The following PDLIM4 variants were observed in gnomAD, a reference collection of about 807,000 sequenced individuals.
PDLIM4 encodes PDZ and LIM domain 4, also known as PDZ and LIM domain protein 4.
A neutral mutation model predicts 31.3 loss-of-function variants in PDLIM4; 19 were observed. That is an observed-to-expected ratio of 0.61 (90% CI 0.42 to 0.89). The LOEUF is 0.89. PDLIM4 is among the 40% of genes least tolerant of loss of function. The pLI is 0.00. For missense variants in PDLIM4, 442 were observed against 461.1 expected (o/e 0.96, Z 0.38); for synonymous variants, 176 against 190.1 (o/e 0.93, Z 0.61).
intron 1 of PDLIM4, 42 bp from the exon 2 acceptor site, chr5:132,262,567 A>C: frequency 6.5e-7 from 1 of 1,543,012 alleles, no homozygotes; most frequent in South Asian, 1.2e-5. Context: ...CAGCAAGACC[A>C]TATCATGACT....
chr5:132,271,849 C>T lies in PDLIM4; in HGVS notation c.729C>T (p.Gly243=), dbSNP rs768047246. 5.6e-6 allele frequency: 9 copies of T among 1,612,422 alleles called. No individual in the cohort carries two copies. The highest frequency in any genetic ancestry group is 1.3e-5 in the African/African-American group (1 of 74,936). Residue 243 remains glycine (G), a synonymous_variant, in exon 6 of 7, where the codon GGC becomes GGT. Coordinates refer to ENST00000253754, the MANE Select transcript of PDLIM4 (RefSeq NM_003687.4). ...RNLKPTASKL[G]APLSGLQGLP... ...TCAAGCCCACGGCCAGCAAGCTGGGCGCTCCGCTGAGCGGCCTGCAGGGGC... is the reference window on the plus strand; with the variant it reads ...TCAAGCCCACGGCCAGCAAGCTGGGTGCTCCGCTGAGCGGCCTGCAGGGGC...
chr5:132,259,376 A>AGCTGCG (rs1009565783), intron 1 of PDLIM4, among the ~76,000 whole-genome samples: 1 of 152,120 alleles, frequency 6.6e-6, no homozygotes, highest in Non-Finnish European at 1.5e-5. Context: ...CACACGTCAC[A>AGCTGCG]GCTGCGGCTG....
chr5:132,268,338 C>T (rs761603371), intron 3 of PDLIM4, among the ~76,000 whole-genome samples: 13 of 150,744 alleles, frequency 8.6e-5, no homozygotes, highest in Admixed American at 8.5e-4. Flanking sequence ...GCTGCTCCCA[C>T]CCTCTGCCTG....
rs1463681467 is a variant in PDLIM4, at chr5:132,272,590, G to C, written c.*361G>C. On this transcript the variant is annotated 3_prime_UTR_variant, in exon 7 of 7. Transcript: ENST00000253754. Reference sequence around the variant, plus strand: ...AGGAGGTATGACCTGGGTGGGGTCAGGGAAAGTCTTAGCTGAGAACTAAGA... The same window carrying C: ...AGGAGGTATGACCTGGGTGGGGTCACGGAAAGTCTTAGCTGAGAACTAAGA... 2.9e-6 allele frequency: 1 copy of C among 341,912 alleles called. No individual in the cohort carries two copies. Among genetic ancestry groups the C allele is most frequent in the Non-Finnish European group, 5.7e-6 (1 of 176,060 alleles). The allele number at this position is 341,912 out of a possible 1,614,324, so 21.2% of individuals were successfully genotyped here.
intron 5 of PDLIM4, 144 bp downstream of exon 5, chr5:132,271,610 G>A: frequency 1.0e-6 from 1 of 981,588 alleles, no homozygotes; most frequent in Non-Finnish European, 1.6e-6. Flanking sequence ...CTACAACCTT[G>A]CTACGCCCTG....
chr5:132,260,398 C>T (rs1165737436), intron 1 of PDLIM4, among the ~76,000 whole-genome samples: 2 of 152,206 alleles, frequency 1.3e-5, no homozygotes, highest in African/African-American at 4.8e-5. Flanking sequence ...GGTTCCCAGC[C>T]ACCCAGGAGA....
chr5:132,272,272 C>G lies in PDLIM4; in HGVS notation c.*43C>G. 6.6e-7 allele frequency: 1 copy of G among 1,506,022 alleles called. No individual in the cohort carries two copies. The highest frequency in any genetic ancestry group is 9.2e-7 in the Non-Finnish European group (1 of 1,084,740). 93.3% of individuals were successfully genotyped at this position (1,506,022 alleles called of 1,614,324 possible). ...ACGCCTGCTTCTTAAGGTCCCTGCTCGGCCGGTGTAAATATGTTTCACCCT... is the reference window on the plus strand; with the variant it reads ...ACGCCTGCTTCTTAAGGTCCCTGCTGGGCCGGTGTAAATATGTTTCACCCT... On this transcript the variant is annotated 3_prime_UTR_variant, in exon 7 of 7. Coordinates refer to ENST00000253754, the MANE Select transcript of PDLIM4 (RefSeq NM_003687.4).
chr5:132,272,014 C>G lies in PDLIM4; in HGVS notation c.789-11C>G, dbSNP rs775905084. 1 of 1,612,358 alleles carries G rather than the reference C, an allele frequency of 6.2e-7. No homozygotes were observed. The highest frequency in any genetic ancestry group is 1.7e-5 in the Admixed American group (1 of 60,036). On this transcript the variant is annotated splice_polypyrimidine_tract_variant and intron_variant, in intron 6 of 6. Transcript: ENST00000253754. ...TCACTCGACGCTGTCCTGTCTCGTT[C>G]CCCCCATCAGGGGCACCATCGTCAA...
chr5:132,271,391 G>C lies in PDLIM4; in HGVS notation c.595G>C (p.Glu199Gln), dbSNP rs753707588. The C allele has an allele frequency of 1.2e-6, 2 of 1,607,686 alleles. No individual in the cohort carries two copies. The highest frequency in any genetic ancestry group is 2.2e-5 in the East Asian group (1 of 44,870). The change falls in exon 5 of 7, where the codon GAG (glutamate) becomes CAG (glutamine). Residue 199 changes from glutamate to glutamine, a missense_variant. Coordinates refer to ENST00000253754, the MANE Select transcript of PDLIM4 (RefSeq NM_003687.4). The stretch of plus-strand genomic sequence containing the variant: ...GTACAGGATGCTGCGGGAGCCAGCC[G>C]AGCCCGTGGCCGCGGAGCCCAAGCA... ...EVYRMLREPA[E>Q]PVAAEPKQSG...
In PDLIM4 at chr5:132,264,700, C is replaced by T. The variant is rs1756450747; in HGVS notation, c.246-1764C>T. Among the ~76,000 whole-genome samples, 10 of 152,206 alleles carry T rather than the reference C, an allele frequency of 6.6e-5. No individual in the cohort carries two copies. The South Asian group carries it at 2.1e-3, about 32-fold the overall frequency. The stretch of plus-strand genomic sequence containing the variant: ...CACCTGCAAGCTTTCTGACTCTGCT[C>T]CCTATCTTGCCTGCTATGCCAGGAC... On this transcript the variant is annotated intron_variant, in intron 2 of 6. Coordinates refer to ENST00000253754, the MANE Select transcript of PDLIM4 (RefSeq NM_003687.4).
In PDLIM4 at chr5:132,266,552, A is replaced by G; in HGVS notation, c.327+7A>G. The G allele has an allele frequency of 6.2e-7, 1 of 1,600,598 alleles. No homozygotes were observed. The highest frequency in any genetic ancestry group is 8.6e-7 in the Non-Finnish European group (1 of 1,168,548). On this transcript the variant is annotated splice_region_variant and intron_variant, in intron 3 of 6. Transcript: ENST00000253754. ...CATCGATCCTGAGATCCAGGTATGT[A>G]CAGACACTGCCTGGCCTGGCCTGGC...
chr5:132,271,832 A>C lies in PDLIM4; in HGVS notation c.712A>C (p.Thr238Pro). Residue 238 changes from threonine to proline, a missense_variant, in exon 6 of 7, where the codon ACG (threonine) becomes CCG (proline). Coordinates refer to ENST00000253754, the MANE Select transcript of PDLIM4 (RefSeq NM_003687.4). ...TGGCGGCCCCCGGAACCTCAAGCCC[A>C]CGGCCAGCAAGCTGGGCGCTCCGCT... is the stretch of plus-strand genomic sequence containing the variant. Reference protein sequence around the residue: ...GPGGPRNLKPTASKLGAPLSG... With the variant: ...GPGGPRNLKPPASKLGAPLSG... 6.2e-7 allele frequency: 1 copy of C among 1,612,844 alleles called. No homozygotes were observed. The highest frequency in any genetic ancestry group is 8.5e-7 in the Non-Finnish European group (1 of 1,179,642).
rs771238963 is a variant in PDLIM4 at position 132,271,994 on chromosome 5, C to T, written c.789-31C>T. On this transcript the variant is annotated intron_variant, in intron 6 of 6. Transcript: ENST00000253754. ...CGCAGTCGTGAACCCATCAGTCACT[C>T]GACGCTGTCCTGTCTCGTTCCCCCC... The T allele has an allele frequency of 1.1e-5, 18 of 1,608,556 alleles. No homozygotes were observed. In the South Asian group the frequency reaches 1.5e-4, roughly 14 times the overall value.
intron 2 of PDLIM4, among the ~76,000 whole-genome samples, chr5:132,264,725 C>A (rs1392882552): frequency 1.3e-5 from 2 of 152,120 alleles, no homozygotes; most frequent in Non-Finnish European, 2.9e-5. Context: ...TATGCCAGGA[C>A]CTATGCCTGG....
Position 132,266,637 on chromosome 5 carries a change from A to G in PDLIM4, c.327+92A>G, listed in dbSNP as rs564978038. The G allele has an allele frequency of 3.0e-5, 23 of 770,832 alleles. No homozygotes were observed. In the South Asian group the frequency reaches 4.0e-4, roughly 13 times the overall value. 47.7% of individuals were successfully genotyped at this position (770,832 alleles called of 1,614,324 possible). On this transcript the variant is annotated intron_variant, in intron 3 of 6. Coordinates refer to ENST00000253754, the MANE Select transcript of PDLIM4 (RefSeq NM_003687.4). ...AGGTTCACCTGCACTGAATGTCCTC[A>G]CTGGGGCTCTCAGATACCCAAGACA...
chr5:132,267,155 G>A (rs1000631200), intron 3 of PDLIM4, among the ~76,000 whole-genome samples: 6 of 152,220 alleles, frequency 3.9e-5, no homozygotes, highest in Admixed American at 2.0e-4. Flanking sequence ...GAGTAGCCAA[G>A]TGGGGATGAC....
At position 132,270,935 on chromosome 5, in the gene PDLIM4, C is replaced by G. The variant is rs749700934; in HGVS notation, c.348C>G (p.Ser116Arg). 36 of 1,613,978 alleles carry G rather than the reference C, an allele frequency of 2.2e-5. No homozygotes were observed. The highest frequency in any genetic ancestry group is 3.1e-5 in the Non-Finnish European group (36 of 1,179,960). Residue 116 changes from serine to arginine, a missense_variant, in exon 4 of 7, where the codon AGC (serine) becomes AGG (arginine). Ser to Arg is a moderately radical substitution (Grantham distance 110). Coordinates refer to ENST00000253754, the MANE Select transcript of PDLIM4 (RefSeq NM_003687.4). ...PEIQDGSPTT[S>R]RRPSGTGTGP... The stretch of plus-strand genomic sequence containing the variant: ...AATAGGACGGCAGCCCAACAACCAG[C>G]AGGCGGCCCTCAGGCACCGGGACTG...
intron 1 of PDLIM4, among the ~76,000 whole-genome samples, chr5:132,259,809 G>C (rs1472967634): frequency 1.3e-5 from 2 of 152,108 alleles, no homozygotes; most frequent in East Asian, 3.9e-4. Flanking sequence ...AAGCCTCCAG[G>C]AGTCCCAAGA....
intron 1 of PDLIM4, among the ~76,000 whole-genome samples, chr5:132,258,637 A>C (rs1455255236): frequency 6.6e-6 from 1 of 152,208 alleles, no homozygotes; most frequent in Non-Finnish European, 1.5e-5. Context: ...ATCCTGGCCC[A>C]GCCTCGACAT....
Sources: allele counts gnomAD v4.1 joint callset (sites outside exome capture counted in the v4.1 genomes callset), GRCh38; gene constraint gnomAD v4.1.1; transcripts MANE v1.5; gene names NCBI Gene and HGNC (gene_info 2026-07-23, HGNC 2026-07-21).